The following SLC19A1 variants were observed in gnomAD, a reference collection of about 807,000 sequenced individuals.
SLC19A1 encodes reduced folate transporter.
A neutral mutation model predicts 35.3 loss-of-function variants in SLC19A1; 37 were observed. The observed-to-expected ratio is 1.05, with a 90% CI of 0.81 to 1.38. The LOEUF is 1.38. SLC19A1 is among the 40% of genes most tolerant of loss of function. The pLI is 0.00. For missense variants in SLC19A1, 831 were observed against 826.9 expected (o/e 1.00, Z -0.06); for synonymous variants, 460 against 398.5 (o/e 1.15, Z -1.84).
intron 1 of SLC19A1, among the ~76,000 whole-genome samples, chr21:45,556,973 C>T (rs1175457353): frequency 1.3e-5 from 2 of 152,240 alleles, no homozygotes; most frequent in African/African-American, 4.8e-5. Flanking sequence ...ATGCATGTGT[C>T]TCCTGGGACG....
chr21:45,550,471 G>T (rs11908961), intron 1 of SLC19A1, among the ~76,000 whole-genome samples: 2 of 152,214 alleles, frequency 1.3e-5, no homozygotes, highest in Non-Finnish European at 2.9e-5. Flanking sequence ...TGGTTCTCCA[G>T]CTGGAATTTC....
downstream of SLC19A1, chr21:45,512,128 C>T (rs1261234957): frequency 1.3e-6 from 2 of 1,544,286 alleles, no homozygotes; most frequent in Non-Finnish European, 1.8e-6. Context: ...GCCCGGGGAG[C>T]GGCCTCTGCC....
intron 1 of SLC19A1, among the ~76,000 whole-genome samples, chr21:45,561,680 G>A (rs1282697500): frequency 6.6e-6 from 1 of 152,128 alleles, no homozygotes; most frequent in Non-Finnish European, 1.5e-5. Flanking sequence ...AGAATTGCTT[G>A]AACCCAGGAG....
At chr21:45,532,441 A>C (rs942499381) in intron 2 of SLC19A1, among the ~76,000 whole-genome samples, 6 of 152,076 alleles carry the variant, frequency 3.9e-5, no homozygotes, top group African/African-American at 1.4e-4. Flanking sequence ...CTCTATTTTT[A>C]TCTCTTTCTT....
At position 45,530,652 on chromosome 21, in the gene SLC19A1, CG is replaced by C; in HGVS notation, c.1151+117del. The stretch of plus-strand genomic sequence containing the variant: ...ACCCTGGTCAGCTCCAGGTGGCTGG[CG>C]GGGCCAGCAGTGGCACAGCCGCTGG... On this transcript the variant is annotated intron_variant, in intron 4 of 5. Coordinates refer to ENST00000311124, the MANE Select transcript of SLC19A1 (RefSeq NM_194255.4). The surrounding 1 kb of genome is among the most constrained non-coding windows in gnomAD (Gnocchi z 5.3). The C allele has an allele frequency of 9.2e-7, 1 of 1,084,708 alleles. No homozygotes were observed. 67.2% of individuals were successfully genotyped at this position (1,084,708 alleles called of 1,614,324 possible).
chr21:45,543,409 C>T (rs975170119), upstream of SLC19A1, among the ~76,000 whole-genome samples: 2 of 152,246 alleles, frequency 1.3e-5, no homozygotes, highest in African/African-American at 2.4e-5. Context: ...AGGGGACGGC[C>T]ACCGTGGTAC....
In SLC19A1 at chr21:45,534,777, C is replaced by T. The variant is rs1331557993; in HGVS notation, c.190-2629G>A. 13 of 599,936 alleles carry T rather than the reference C, an allele frequency of 2.2e-5. No individual in the cohort carries two copies. The highest frequency in any genetic ancestry group is 2.6e-5 in the Non-Finnish European group (9 of 341,378). 37.2% of individuals were successfully genotyped at this position (599,936 alleles called of 1,614,324 possible). The stretch of plus-strand genomic sequence containing the variant: ...TCTGCCCAGAGCTGTGACCTGCGTC[C>T]CACTTACAAGGCTGCTGGGGGAGGG... On this transcript the variant is annotated intron_variant, in intron 2 of 5. Transcript: ENST00000311124. The surrounding 1 kb of genome is among the most constrained non-coding windows in gnomAD (Gnocchi z 4.2).
downstream of SLC19A1, chr21:45,510,064 C>A: frequency 6.4e-7 from 1 of 1,562,474 alleles, no homozygotes; most frequent in Admixed American, 1.8e-5. Flanking sequence ...CTCCCCGCAG[C>A]TCCACCTGGT....
intron 4 of SLC19A1, among the ~76,000 whole-genome samples, chr21:45,528,999 G>C (rs553793851): frequency 6.6e-6 from 1 of 152,368 alleles, no homozygotes; most frequent in South Asian, 2.1e-4. Context: ...TGCAGCAATG[G>C]GACAGCACAA....
chr21:45,529,234 G>C (rs1276756000), intron 4 of SLC19A1, among the ~76,000 whole-genome samples: 1 of 152,228 alleles, frequency 6.6e-6, no homozygotes, highest in Non-Finnish European at 1.5e-5. Context: ...CCTGCATGTG[G>C]GGAGGATGGG....
chr21:45,532,343 G>C (rs1437092199), intron 2 of SLC19A1, among the ~76,000 whole-genome samples, 195 bp from the exon 3 acceptor site: 1 of 152,230 alleles, frequency 6.6e-6, no homozygotes, highest in African/African-American at 2.4e-5. Flanking sequence ...GCTCCCGACC[G>C]TCCCGGCAGC....
rs754961266 is a variant in SLC19A1, at chr21:45,515,562, G to A, written c.*96C>T. The A allele has an allele frequency of 4.1e-5, 64 of 1,569,908 alleles. No homozygotes were observed. The highest frequency in any genetic ancestry group is 5.7e-5 in the Admixed American group (3 of 52,198). On this transcript the variant is annotated 3_prime_UTR_variant, in exon 6 of 6. Coordinates refer to ENST00000311124, the MANE Select transcript of SLC19A1 (RefSeq NM_194255.4). ...TAGGGGGCCTGCTAGCAGGATAAGC[G>A]GAGGCCCCCATTGCTAAGGCAGGCG... is the stretch of plus-strand genomic sequence containing the variant.
Position 45,523,426 on chromosome 21 carries a change from C to G in SLC19A1, c.1293+2391G>C, listed in dbSNP as rs377041895. On this transcript the variant is annotated intron_variant, in intron 5 of 5. Transcript: ENST00000311124. ...TCCACCTCCCCAGAGCTGTCTCCCC[C>G]ACAGCCTCCACGGCCACACCAGGAC... Among the ~76,000 whole-genome samples the G allele has an allele frequency of 1.3e-4, 20 of 152,348 alleles. No individual in the cohort carries two copies. In the East Asian group the frequency reaches 2.1e-3, roughly 16 times the overall value.
chr21:45,503,968 C>A, intron 3 of SLC19A1: 1 of 1,612,216 alleles, frequency 6.2e-7, no homozygotes, highest in Non-Finnish European at 8.5e-7. Flanking sequence ...CCGGCGCTGT[C>A]AGACACCACC....
chr21:45,505,406 C>A, intron 3 of SLC19A1: 1 of 1,576,472 alleles, frequency 6.3e-7, no homozygotes, highest in Non-Finnish European at 8.7e-7. Flanking sequence ...CCTGGGCCCC[C>A]TGGAACCATG....
downstream of SLC19A1, chr21:45,510,048 GC>G (rs2037484268): frequency 2.6e-6 from 4 of 1,546,562 alleles, no homozygotes; most frequent in East Asian, 9.7e-5. Context: ...CCCGTGACGC[GC>G]CCCTCTCCCC....
At chr21:45,512,262 G>A (rs768317146), downstream of SLC19A1, 95 of 1,611,862 alleles carry the variant, frequency 5.9e-5, no homozygotes, top group South Asian at 1.3e-4. Context: ...GAGACGTGGC[G>A]GACGGAGGCT....
In SLC19A1 at chr21:45,531,756, G is replaced by A. The variant is rs1158807398; in HGVS notation, c.582C>T (p.Thr194=). The A allele has an allele frequency of 1.2e-6, 2 of 1,611,538 alleles. No homozygotes were observed. Among genetic ancestry groups the A allele is most frequent in the East Asian group, 2.2e-5 (1 of 44,708 alleles). ...TLNYISLAFL[T]FSVVLALFLK... ...GGAAGAGGGCGAGGACCACGCTGAA[G>A]GTGAGGAAGGCCAGCGAGATGTAGT... Residue 194 remains threonine (T), a synonymous_variant, in exon 3 of 6, where the codon ACC becomes ACT. Coordinates refer to ENST00000311124, the MANE Select transcript of SLC19A1 (RefSeq NM_194255.4).
chr21:45,505,078 C>G, intron 3 of SLC19A1: 2 of 1,582,318 alleles, frequency 1.3e-6, no homozygotes, highest in Non-Finnish European at 1.7e-6. Flanking sequence ...CAAGCTTGCC[C>G]GCCCCCAGTC....
Sources: allele counts gnomAD v4.1 joint callset (sites outside exome capture counted in the v4.1 genomes callset), GRCh38; gene constraint gnomAD v4.1.1; non-coding constraint Gnocchi (gnomAD v3.1); transcripts MANE v1.5; gene names NCBI Gene and HGNC (gene_info 2026-07-23, HGNC 2026-07-21).